CDH22: variants seen among roughly 807,000 people sequenced by gnomAD.
CDH22 encodes the protein cadherin 22.
Under a neutral mutation model 58.4 loss-of-function variants are expected in CDH22, and 30 were observed. That is an observed-to-expected ratio of 0.51 (90% CI 0.38 to 0.70). The LOEUF (loss-of-function observed/expected upper bound fraction) is 0.70. Ranked by LOEUF, CDH22 falls within the 30% of genes least tolerant of loss-of-function variation. The pLI is 0.00. For synonymous variants in CDH22, 513 were observed against 558.2 expected, an observed-to-expected ratio of 0.92 and a Z score of 1.14; for missense variants, 1,014 against 1,233.9, an observed-to-expected ratio of 0.82 and a Z score of 2.67.
intron 1 of CDH22, among the ~76,000 whole-genome samples, chr20:46,268,263 A>G (rs992951371): frequency 2.5e-4 from 38 of 152,358 alleles, no homozygotes; most frequent in African/African-American, 8.7e-4. Flanking sequence ...GGGCTTATCC[A>G]GCTGGGCCTG....
chr20:46,176,228 C>T (rs1224041349), intron 11 of CDH22, among the ~76,000 whole-genome samples: 1 of 152,166 alleles, frequency 6.6e-6, no homozygotes, highest in East Asian at 1.9e-4. Flanking sequence ...TTTAAAAGTT[C>T]CATTTAGAAA....
intron 8 of CDH22, among the ~76,000 whole-genome samples, chr20:46,194,836 T>C (rs2085887632): frequency 1.3e-5 from 2 of 152,062 alleles, no homozygotes; most frequent in East Asian, 1.9e-4. Flanking sequence ...TTCAAGCAAT[T>C]CTCCTGCCTC....
chr20:46,286,427 C>T (rs1455548420), intron 1 of CDH22, among the ~76,000 whole-genome samples: 2 of 152,268 alleles, frequency 1.3e-5, no homozygotes, highest in Admixed American at 6.5e-5. Context: ...CCGACCAGGG[C>T]GCGTTATTGC....
chr20:46,264,007 T>C, intron 1 of CDH22, among the ~76,000 whole-genome samples: 1 of 152,020 alleles, frequency 6.6e-6, no homozygotes, highest in Non-Finnish European at 1.5e-5. Context: ...ATTTGGAATA[T>C]TTAGGAAGCA....
chr20:46,178,586 C>CTTTTTTTTTTTTTTTTTTTTTT (rs33937889), intron 10 of CDH22, among the ~76,000 whole-genome samples: 30 of 95,336 alleles, frequency 3.1e-4, no homozygotes, highest in Middle Eastern at 6.2e-3. Flanking sequence ...CTGGCGTTGT[C>CTTTTTTTTTTTTTTTTTTTTTT]TTTTTTTTTT....
Position 46,289,185 on chromosome 20 carries a change from T to G in CDH22, c.-400+19070A>C, listed in dbSNP as rs2086589392. ...TTGCCTGGAACACCCTCGCCCCTGATGTCTGCCTGGCTCACTCTCTCCCTT... is the reference window on the plus strand; with the variant it reads ...TTGCCTGGAACACCCTCGCCCCTGAGGTCTGCCTGGCTCACTCTCTCCCTT... On this transcript the variant is annotated intron_variant, in intron 1 of 11. Transcript: ENST00000537909. Among the ~76,000 whole-genome samples, 2 of 152,180 alleles carry G rather than the reference T, an allele frequency of 1.3e-5. 1 individual carries two copies. The highest frequency in any genetic ancestry group is 4.1e-4 in the South Asian group (2 of 4,826).
chr20:46,302,087 GC>G, intron 1 of CDH22, among the ~76,000 whole-genome samples: 1 of 152,306 alleles, frequency 6.6e-6, no homozygotes, highest in African/African-American at 2.4e-5. Flanking sequence ...ATGGCCTCAG[GC>G]CCCCTCTCCT....
rs780786635 is a variant in CDH22 at position 46,199,424 on chromosome 20, C to G, written c.1422G>C (p.Ala474=). Residue 474 remains alanine, a splice_region_variant and synonymous_variant, in exon 8 of 12, where the codon GCG becomes GCC. Transcript: ENST00000537909. ...GAGGGGGCGTGGCGCCCAGCTCACC[C>G]GCCTCCATGGCCAGCACTGTGATGT... ...WHNITVLAME[A]DNHAQLSRAS... The G allele has an allele frequency of 3.1e-6, 5 of 1,608,972 alleles. No homozygotes were observed. The highest frequency in any genetic ancestry group is 4.2e-6 in the Non-Finnish European group (5 of 1,179,288).
chr20:46,275,928 T>C (rs949847938), intron 1 of CDH22, among the ~76,000 whole-genome samples: 1 of 145,250 alleles, frequency 6.9e-6, no homozygotes, highest in African/African-American at 2.6e-5. Flanking sequence ...AGTGATCTAC[T>C]AGATAAGTAG....
intron 1 of CDH22, among the ~76,000 whole-genome samples, chr20:46,265,297 T>TG (rs2086453970): frequency 6.6e-6 from 1 of 152,170 alleles, no homozygotes; most frequent in African/African-American, 2.4e-5. Context: ...GCCTCCTCCT[T>TG]GCTCTTTTCC....
At chr20:46,275,762 T>C (rs562657654) in intron 1 of CDH22, among the ~76,000 whole-genome samples, 23 of 151,818 alleles carry the variant, frequency 1.5e-4, no homozygotes, top group Middle Eastern at 3.4e-3. Flanking sequence ...CCCTTAGATG[T>C]CTTGCATTTT....
rs571932107 is a variant in CDH22, at chr20:46,225,626, T to A, written c.670+1882A>T. ...ACTGGATGGGGTGAAGAATTGCTAC[T>A]AAATTCCTGTTTGGACTTTTTGAAT... On this transcript the variant is annotated intron_variant, in intron 4 of 11. Transcript: ENST00000537909. Among the ~76,000 whole-genome samples the A allele has an allele frequency of 5.9e-5, 9 of 152,364 alleles. 1 individual carries two copies. In the South Asian group the frequency reaches 1.2e-3, roughly 21 times the overall value.
intron 10 of CDH22, among the ~76,000 whole-genome samples, chr20:46,179,833 C>T (rs1760797162): frequency 1.3e-5 from 2 of 152,116 alleles, no homozygotes; most frequent in South Asian, 2.1e-4. Context: ...TTTCAGACCC[C>T]GCCCCCATCT....
intron 8 of CDH22, among the ~76,000 whole-genome samples, chr20:46,189,168 A>G (rs1245498790): frequency 6.6e-6 from 1 of 152,194 alleles, no homozygotes; most frequent in Non-Finnish European, 1.5e-5. Flanking sequence ...TTCAGACCCC[A>G]GCTTCTCTCT....
chr20:46,187,483 A>G (rs898172471), intron 8 of CDH22, among the ~76,000 whole-genome samples: 1 of 151,288 alleles, frequency 6.6e-6, no homozygotes, highest in Non-Finnish European at 1.5e-5. Context: ...CATTAGAATT[A>G]GCACCACCAC....
At chr20:46,292,717 C>T (rs1483602504) in intron 1 of CDH22, among the ~76,000 whole-genome samples, 3 of 152,258 alleles carry the variant, frequency 2.0e-5, no homozygotes, top group Non-Finnish European at 2.9e-5. Flanking sequence ...TGATCTAAAC[C>T]GTGAATTCTT....
intron 11 of CDH22, 79 bp from the exon 12 acceptor site, chr20:46,175,156 C>T: frequency 7.3e-7 from 1 of 1,372,212 alleles, no homozygotes; most frequent in Non-Finnish European, 9.8e-7. Flanking sequence ...CCATCTCCTC[C>T]CGCCTCCCAC....
rs1262149026 is a variant in CDH22 at position 46,241,761 on chromosome 20, G to A, written c.256-504C>T. 6.6e-6 allele frequency among the ~76,000 whole-genome samples: 1 copy of A among 152,168 alleles called. No individual in the cohort carries two copies. Among genetic ancestry groups the A allele is most frequent in the Non-Finnish European group, 1.5e-5 (1 of 68,038 alleles). On this transcript the variant is annotated intron_variant, in intron 2 of 11. Transcript: ENST00000537909. The surrounding 1 kb of genome is among the most constrained non-coding windows in gnomAD (Gnocchi z 5.2). ...TCTCCCCCTGCCCCCAGGATCTCTCGGTACATCAAGCCATCATGATCATGT... is the reference window on the plus strand; with the variant it reads ...TCTCCCCCTGCCCCCAGGATCTCTCAGTACATCAAGCCATCATGATCATGT...
intron 8 of CDH22, among the ~76,000 whole-genome samples, chr20:46,197,936 C>G (rs2085919347): frequency 6.6e-6 from 1 of 151,880 alleles, no homozygotes; most frequent in Non-Finnish European, 1.5e-5. Context: ...CAGGAGGGGC[C>G]TGGGGCAGAG....
Sources: gnomAD v4.1 joint callset for allele counts (sites outside exome capture counted in the v4.1 genomes callset) on GRCh38, gnomAD v4.1.1 for gene constraint, Gnocchi (gnomAD v3.1) non-coding constraint, MANE v1.5 for transcripts, NCBI Gene and HGNC (gene_info 2026-07-23, HGNC 2026-07-21) for gene names.